Variants in SLC12A2 observed in about 807,000 individuals in gnomAD.
The protein encoded by SLC12A2 is Na-K-2Cl cotransporter 1.
SLC12A2 carries 67 observed loss-of-function variants against 136.3 expected under a neutral mutation model. That is an observed-to-expected ratio of 0.49 (90% CI 0.40 to 0.60). The LOEUF (loss-of-function observed/expected upper bound fraction) is 0.60, where lower values mean the gene tolerates loss of function less well. Ranked by LOEUF, SLC12A2 falls within the 20% of genes least tolerant of loss-of-function variation. SLC12A2 has a pLI of 0.00. For synonymous variants in SLC12A2, 619 were observed against 562.9 expected (o/e 1.10, Z -1.41); for missense variants, 1,322 against 1,534.7 (o/e 0.86, Z 2.32).
chr5:128,171,980 G>A, intron 19 of SLC12A2: 1 of 347,496 alleles, frequency 2.9e-6, no homozygotes, highest in South Asian at 8.5e-5. Context: ...TCAATCCAAA[G>A]CATAAGCTTA....
intron 7 of SLC12A2, among the ~76,000 whole-genome samples, chr5:128,138,327 A>T (rs540050703): frequency 6.0e-4 from 91 of 152,308 alleles, no homozygotes; most frequent in African/African-American, 2.1e-3. Flanking sequence ...TGGGCTAGTC[A>T]TAACAATTCA....
chr5:128,099,909 C>T (rs1006786756), intron 1 of SLC12A2, among the ~76,000 whole-genome samples: 3 of 152,078 alleles, frequency 2.0e-5, no homozygotes, highest in Non-Finnish European at 4.4e-5. Context: ...CTGCCTGAGG[C>T]TGTTTTACAG....
At chr5:128,133,395 C>T (rs1762089911) in intron 5 of SLC12A2, among the ~76,000 whole-genome samples, 1 of 151,844 alleles carries the variant, frequency 6.6e-6, no homozygotes, top group Non-Finnish European at 1.5e-5. Flanking sequence ...AATTTTTTTC[C>T]TCCCTTGTAA....
intron 1 of SLC12A2, among the ~76,000 whole-genome samples, chr5:128,104,523 T>G (rs1290303442): frequency 6.6e-6 from 1 of 151,860 alleles, no homozygotes; most frequent in African/African-American, 2.4e-5. Flanking sequence ...TCCCAGCTAC[T>G]TGGGAGGCTG....
At chr5:128,181,403 G>C (rs760257772) in intron 23 of SLC12A2, among the ~76,000 whole-genome samples, 1 of 152,006 alleles carries the variant, frequency 6.6e-6, no homozygotes, top group African/African-American at 2.4e-5. Flanking sequence ...ATACTGTCAC[G>C]ATTCTAGTTC....
Position 128,187,630 on chromosome 5 carries a change from C to G in SLC12A2, c.*999C>G, listed in dbSNP as rs913406686. On this transcript the variant is annotated 3_prime_UTR_variant, in exon 27 of 27. Coordinates refer to ENST00000262461, the MANE Select transcript of SLC12A2 (RefSeq NM_001046.3). ...ATAAGTCATTAAAATAATGTTTCAT[C>G]AAATGGTTAAATGGACCACTGGTTT... 6.6e-6 allele frequency: 1 copy of G among 152,482 alleles called. No individual in the cohort carries two copies. Among genetic ancestry groups the G allele is most frequent in the Non-Finnish European group, 1.5e-5 (1 of 67,998 alleles). The allele number at this position is 152,482 out of a possible 1,614,324, so 9.4% of individuals were successfully genotyped here. A position where few individuals can be genotyped will look rare whatever the true frequency, so the allele number is the denominator to read the frequency against.
chr5:128,158,276 G>A (rs1161206886), intron 16 of SLC12A2, 112 bp downstream of exon 16: 3 of 759,434 alleles, frequency 4.0e-6, no homozygotes, highest in Admixed American at 5.5e-5. Flanking sequence ...ACAGGGGTTT[G>A]GTGTACAGAT....
intron 4 of SLC12A2, among the ~76,000 whole-genome samples, chr5:128,119,292 A>G (rs1021128467): frequency 2.0e-5 from 3 of 152,206 alleles, no homozygotes; most frequent in Admixed American, 2.0e-4. Context: ...AAGGGAATTA[A>G]TGAGGAAATA....
At chr5:128,117,496 A>T (rs113998300) in intron 4 of SLC12A2, among the ~76,000 whole-genome samples, 2,820 of 152,274 alleles carry the variant, frequency 0.019, 73 homozygotes, top group African/African-American at 0.061. Context: ...GGTAACCAAG[A>T]AGTCGATGAG....
chr5:128,084,564 C>CACACCA lies in SLC12A2; in HGVS notation c.616_621dup (p.Asn206_Thr207dup), dbSNP rs1325397846. Reference sequence around the variant, plus strand: ...CCACCAGCACTACTATTATGATACCCACACCAACACCTACTACCTGCGCAC... The same window carrying CACACCA: ...CCACCAGCACTACTATTATGATACCCACACCAACACCAACACCTACTACCTGCGCAC... On this transcript the variant is annotated inframe_insertion, in exon 1 of 27. Coordinates refer to ENST00000262461, the MANE Select transcript of SLC12A2 (RefSeq NM_001046.3). The surrounding 1 kb of genome is among the most constrained non-coding windows in gnomAD (Gnocchi z 5.6). The CACACCA allele has an allele frequency of 6.2e-7, 1 of 1,613,716 alleles. No individual in the cohort carries two copies. The highest frequency in any genetic ancestry group is 8.5e-7 in the Non-Finnish European group (1 of 1,180,000).
At chr5:128,156,123 A>C (rs556072485) in intron 15 of SLC12A2, among the ~76,000 whole-genome samples, 1 of 152,008 alleles carries the variant, frequency 6.6e-6, no homozygotes, top group Non-Finnish European at 1.5e-5. Flanking sequence ...TTCTTGTGTA[A>C]ACTTTTACTT....
In SLC12A2 at chr5:128,174,665, A is replaced by C. The variant is rs1763487323; in HGVS notation, c.2928A>C (p.Lys976Asn). Residue 976 changes from lysine (K) to asparagine (N), a missense_variant and splice_region_variant, in exon 20 of 27, where the codon AAA becomes AAC. This residue lies in a region of SLC12A2 where 226 missense variants were observed against 210.4 expected (regional missense o/e 1.07). Transcript: ENST00000262461. ...KPLSEKPITHKVEEEDGKTAT... is the reference protein window; with the variant it reads ...KPLSEKPITHNVEEEDGKTAT... ...TCAGTGAAAAACCAATTACACACAAAGGTAATTTTCATTCAAACAATAAGT... is the reference window on the plus strand; with the variant it reads ...TCAGTGAAAAACCAATTACACACAACGGTAATTTTCATTCAAACAATAAGT... 1 of 1,583,440 alleles carries C rather than the reference A, an allele frequency of 6.3e-7. No homozygotes were observed. The highest frequency in any genetic ancestry group is 1.4e-5 in the African/African-American group (1 of 73,452).
At chr5:128,177,004 CATATT>C (rs1369624243) in intron 20 of SLC12A2, 96 bp from the exon 21 acceptor site, 20 of 642,168 alleles carry the variant, frequency 3.1e-5, no homozygotes, top group Middle Eastern at 4.4e-4. Context: ...ACTGCTGCTT[CATATT>C]ATATTTTGTT....
chr5:128,132,733 T>A (rs1762066886), intron 5 of SLC12A2, among the ~76,000 whole-genome samples: 1 of 152,170 alleles, frequency 6.6e-6, no homozygotes, highest in Non-Finnish European at 1.5e-5. Context: ...GACCTTTACA[T>A]GTTTACACCA....
intron 14 of SLC12A2, among the ~76,000 whole-genome samples, 185 bp from the exon 15 acceptor site, chr5:128,152,521 A>G (rs530163718): frequency 6.6e-6 from 1 of 152,336 alleles, no homozygotes; most frequent in East Asian, 1.9e-4. Flanking sequence ...TCTTTAAATG[A>G]ATTATAGTTC....
chr5:128,139,771 A>T lies in SLC12A2; in HGVS notation c.1621+863A>T, dbSNP rs576735990. 6.0e-4 allele frequency among the ~76,000 whole-genome samples: 91 copies of T among 152,360 alleles called. 1 individual carries two copies. The South Asian group carries it at 0.014, about 23-fold the overall frequency. On this transcript the variant is annotated intron_variant, in intron 9 of 26. Transcript: ENST00000262461. Reference sequence around the variant, plus strand: ...ATCTTAGTTTAATACTAATGTAAAGAATCATAAACTCCAAGCCCATAGGCT... The same window carrying T: ...ATCTTAGTTTAATACTAATGTAAAGTATCATAAACTCCAAGCCCATAGGCT...
intron 4 of SLC12A2, among the ~76,000 whole-genome samples, chr5:128,130,762 T>G (rs959764282): frequency 1.3e-5 from 2 of 152,086 alleles, no homozygotes; most frequent in African/African-American, 4.8e-5. Context: ...TCTCTTGGGA[T>G]CTGTGAAGGG....
chr5:128,163,367 A>G (rs749878684), intron 17 of SLC12A2, among the ~76,000 whole-genome samples: 28 of 152,084 alleles, frequency 1.8e-4, no homozygotes, highest in Non-Finnish European at 3.1e-4. Flanking sequence ...TGTCTCTACT[A>G]AAAATACAAA....
At chr5:128,095,345 A>G (rs529764781) in intron 1 of SLC12A2, among the ~76,000 whole-genome samples, 12 of 152,046 alleles carry the variant, frequency 7.9e-5, no homozygotes, top group Non-Finnish European at 1.2e-4. Flanking sequence ...TCCTGGAGTA[A>G]CAGTCTCATT....
Sources: allele counts gnomAD v4.1 joint callset (sites outside exome capture counted in the v4.1 genomes callset), GRCh38; gene constraint gnomAD v4.1.1; regional missense constraint gnomAD v4.1.1; non-coding constraint Gnocchi (gnomAD v3.1); transcripts MANE v1.5; gene names NCBI Gene and HGNC (gene_info 2026-07-23, HGNC 2026-07-21).